Variants in TBC1D5 observed in about 807,000 individuals in gnomAD.
The protein encoded by TBC1D5 is TBC1 domain family, member 5.
Under a neutral mutation model 100.3 loss-of-function variants are expected in TBC1D5, and 75 were observed. The ratio of observed to expected loss-of-function variants is 0.75; its 90% CI spans 0.62 to 0.91. The LOEUF is 0.91. Among genes scored for constraint, TBC1D5 ranks in the 40% least tolerant of loss-of-function variants. The pLI is 0.00. For missense variants in TBC1D5, 910 were observed against 942.4 expected (o/e 0.97, Z 0.45); for synonymous variants, 323 against 325.6 (o/e 0.99, Z 0.09).
chr3:17,301,844 A>G (rs965354467), intron 14 of TBC1D5, among the ~76,000 whole-genome samples: 2 of 152,212 alleles, frequency 1.3e-5, no homozygotes, highest in African/African-American at 2.4e-5. Context: ...ACAATATGAA[A>G]TAAGTCAGTT....
At chr3:17,558,147 C>T (rs546277586) in intron 2 of TBC1D5, among the ~76,000 whole-genome samples, 12 of 152,224 alleles carry the variant, frequency 7.9e-5, no homozygotes, top group African/African-American at 2.6e-4. Flanking sequence ...TTATAAGAAA[C>T]GAAAGTCAAC....
chr3:17,557,062 C>T (rs1372263938), intron 2 of TBC1D5, among the ~76,000 whole-genome samples: 2 of 152,266 alleles, frequency 1.3e-5, no homozygotes, highest in Non-Finnish European at 1.5e-5. Context: ...AAAATAAAAA[C>T]AACTGCTTAA....
rs376801960 is a variant in TBC1D5, at chr3:17,660,003, T to C, written c.-100-36090A>G. Among the ~76,000 whole-genome samples, 241 of 152,286 alleles carry C rather than the reference T, an allele frequency of 1.6e-3. 6 individuals are homozygous for C. The South Asian group carries it at 0.047, about 30-fold the overall frequency. ...TTGGCGGAGGGACAAATAGTGATGATATATGACAGTTTCCTGAGAAAATGT... is the reference window on the plus strand; with the variant it reads ...TTGGCGGAGGGACAAATAGTGATGACATATGACAGTTTCCTGAGAAAATGT... On this transcript the variant is annotated intron_variant, in intron 1 of 21. Transcript: ENST00000253692.
chr3:17,578,790 G>T (rs2096673404), intron 2 of TBC1D5, among the ~76,000 whole-genome samples: 2 of 151,938 alleles, frequency 1.3e-5, no homozygotes, highest in African/African-American at 4.8e-5. Flanking sequence ...CATGTTGCTA[G>T]AGCTGAATGG....
chr3:17,535,934 A>G (rs1223699912), intron 2 of TBC1D5, among the ~76,000 whole-genome samples: 3 of 152,194 alleles, frequency 2.0e-5, no homozygotes, highest in Admixed American at 1.3e-4. Context: ...TAGGATCTCA[A>G]TAATCCCCAC....
intron 2 of TBC1D5, among the ~76,000 whole-genome samples, chr3:17,547,822 C>T (rs762704971): frequency 1.8e-4 from 28 of 152,282 alleles, no homozygotes; most frequent in Admixed American, 9.2e-4. Flanking sequence ...TGCAATGAGA[C>T]ATCTATGAAA....
intron 15 of TBC1D5, among the ~76,000 whole-genome samples, chr3:17,278,774 T>C (rs928605004): frequency 2.0e-5 from 3 of 152,248 alleles, no homozygotes; most frequent in African/African-American, 7.2e-5. Flanking sequence ...CTAATAAAAT[T>C]TCTATATTCC....
intron 14 of TBC1D5, among the ~76,000 whole-genome samples, chr3:17,307,457 A>G (rs912989072): frequency 5.3e-5 from 8 of 152,210 alleles, no homozygotes; most frequent in Admixed American, 5.2e-4. Context: ...AGACACCATA[A>G]CATACATCTG....
intron 1 of TBC1D5, among the ~76,000 whole-genome samples, chr3:17,628,085 T>C (rs2063205252): frequency 6.6e-6 from 1 of 151,960 alleles, no homozygotes; most frequent in Non-Finnish European, 1.5e-5. Flanking sequence ...ATACACACAC[T>C]CCGCCGGGTG....
intron 13 of TBC1D5, among the ~76,000 whole-genome samples, chr3:17,357,360 T>G (rs532596708): frequency 6.6e-6 from 1 of 152,320 alleles, no homozygotes; most frequent in South Asian, 2.1e-4. Context: ...TCACCTTCAC[T>G]ACTGTTTTAA....
At chr3:17,555,140 C>T (rs1304596138) in intron 2 of TBC1D5, among the ~76,000 whole-genome samples, 3 of 151,946 alleles carry the variant, frequency 2.0e-5, no homozygotes, top group South Asian at 2.1e-4. Flanking sequence ...TGAGCCATTG[C>T]GCCAGGCCTT....
chr3:17,157,351 A>G (rs2065672464), exon 22 of TBC1D5: 1 of 152,256 alleles, frequency 6.6e-6, no homozygotes, highest in South Asian at 2.1e-4. Context: ...AAAAACTACT[A>G]TGACAGCTTT....
chr3:17,445,968 T>A (rs1416113829), intron 3 of TBC1D5, among the ~76,000 whole-genome samples: 2 of 152,204 alleles, frequency 1.3e-5, no homozygotes, highest in African/African-American at 4.8e-5. Flanking sequence ...GGAAGGATCC[T>A]GGAGTCAGGG....
intron 8 of TBC1D5, among the ~76,000 whole-genome samples, chr3:17,384,300 C>G (rs2093064631): frequency 6.6e-6 from 1 of 152,020 alleles, no homozygotes; most frequent in Non-Finnish European, 1.5e-5. Context: ...GAATCATATT[C>G]TACGTGTCTG....
At chr3:17,581,807 A>G (rs1185070538) in intron 2 of TBC1D5, among the ~76,000 whole-genome samples, 1 of 152,184 alleles carries the variant, frequency 6.6e-6, no homozygotes, top group Admixed American at 6.5e-5. Context: ...AAATCTAAAT[A>G]TAAATCCTTA....
At chr3:17,447,132 A>T (rs1309764736) in intron 3 of TBC1D5, among the ~76,000 whole-genome samples, 2 of 152,226 alleles carry the variant, frequency 1.3e-5, no homozygotes, top group Admixed American at 1.3e-4. Context: ...AATTACAGAA[A>T]GACCATTAGG....
intron 3 of TBC1D5, among the ~76,000 whole-genome samples, chr3:17,455,422 ATATG>A (rs1268504718): frequency 2.7e-5 from 4 of 146,272 alleles, no homozygotes; most frequent in African/African-American, 1.0e-4. Flanking sequence ...ATATATGTAT[ATATG>A]TGTGTATGTG....
At chr3:17,456,057 C>T (rs541425271) in intron 3 of TBC1D5, among the ~76,000 whole-genome samples, 1 of 152,130 alleles carries the variant, frequency 6.6e-6, no homozygotes, top group African/African-American at 2.4e-5. Flanking sequence ...AAAAGACAGT[C>T]TCTTCAATAA....
chr3:17,212,773 AGAT>A (rs1448139757), intron 18 of TBC1D5, among the ~76,000 whole-genome samples: 1 of 152,126 alleles, frequency 6.6e-6, no homozygotes, highest in Non-Finnish European at 1.5e-5. Context: ...TATAGAATAA[AGAT>A]AATAAAAAGC....
Sources: gnomAD v4.1 joint callset for allele counts (sites outside exome capture counted in the v4.1 genomes callset) on GRCh38, gnomAD v4.1.1 for gene constraint, MANE v1.5 for transcripts, NCBI Gene and HGNC (gene_info 2026-07-23, HGNC 2026-07-21) for gene names.